CELF1: variants seen among roughly 807,000 people sequenced by gnomAD.
CELF1 encodes CUGBP Elav-like family member 1.
In CELF1, 10 loss-of-function variants were observed where a neutral mutation model predicts 61.8. The ratio of observed to expected loss-of-function variants is 0.16; its 90% CI spans 0.10 to 0.27. The LOEUF (loss-of-function observed/expected upper bound fraction) is 0.27, where lower values mean the gene tolerates loss of function less well. CELF1 is among the 10% of genes least tolerant of loss of function. CELF1 has a pLI of 1.00. For synonymous variants in CELF1, 236 were observed against 225.1 expected, an observed-to-expected ratio of 1.05 and a Z score of -0.43; for missense variants, 380 against 639.1, an observed-to-expected ratio of 0.59 and a Z score of 4.37.
intron 14 of CELF1, among the ~76,000 whole-genome samples, chr11:47,472,573 G>C (rs1462973331): frequency 6.6e-6 from 1 of 151,936 alleles, no homozygotes; most frequent in African/African-American, 2.4e-5. Flanking sequence ...TCTTTTTCTT[G>C]AGACAGGGTC....
At chr11:47,542,739 C>T (rs1379200558) in intron 1 of CELF1, among the ~76,000 whole-genome samples, 1 of 150,866 alleles carries the variant, frequency 6.6e-6, no homozygotes, top group African/African-American at 2.5e-5. Context: ...CTCACGTGAT[C>T]CGCGTGTCTT....
At chr11:47,486,017 C>T (rs1412927150) in intron 6 of CELF1, among the ~76,000 whole-genome samples, 3 of 141,116 alleles carry the variant, frequency 2.1e-5, no homozygotes, top group African/African-American at 7.8e-5. Context: ...AAAAATTAGC[C>T]GGGCGTGGTG....
intron 13 of CELF1, 31 bp from the exon 14 acceptor site, chr11:47,473,262 C>T: frequency 6.2e-7 from 1 of 1,600,666 alleles, no homozygotes; most frequent in Non-Finnish European, 8.5e-7. Context: ...GGAAAAGTAT[C>T]AGTGTCAAAC....
intron 1 of CELF1, among the ~76,000 whole-genome samples, chr11:47,538,777 G>GA (rs1216303521): frequency 2.0e-5 from 3 of 151,740 alleles, no homozygotes; most frequent in Non-Finnish European, 4.4e-5. Context: ...AATATCACAG[G>GA]AAAAAAACAA....
intron 1 of CELF1, among the ~76,000 whole-genome samples, chr11:47,543,355 G>A (rs1412016221): frequency 6.6e-6 from 1 of 151,970 alleles, no homozygotes; most frequent in Non-Finnish European, 1.5e-5. Context: ...AGTGAGCCAC[G>A]ATAACGCCAC....
chr11:47,472,609 C>T (rs2078130352), intron 14 of CELF1, among the ~76,000 whole-genome samples: 1 of 152,114 alleles, frequency 6.6e-6, no homozygotes. Context: ...GGGTGGAGTA[C>T]AGTGGTGTGA....
At chr11:47,527,232 A>T (rs761754612) in intron 1 of CELF1, among the ~76,000 whole-genome samples, 41 of 151,982 alleles carry the variant, frequency 2.7e-4, no homozygotes, top group Non-Finnish European at 5.3e-4. Context: ...CTACAGAAAG[A>T]AGTAAAAAAT....
chr11:47,553,797 GA>G (rs1210075332), upstream of CELF1, among the ~76,000 whole-genome samples: 1 of 140,446 alleles, frequency 7.1e-6, no homozygotes, highest in African/African-American at 2.5e-5. Flanking sequence ...TGCTTTTACC[GA>G]AAAAAAAATA....
chr11:47,478,365 T>G (rs529968595), intron 10 of CELF1, among the ~76,000 whole-genome samples: 1 of 152,346 alleles, frequency 6.6e-6, no homozygotes, highest in Non-Finnish European at 1.5e-5. Flanking sequence ...CTCAGGTTTG[T>G]TGTGGCACTC....
At chr11:47,507,308 G>A (rs2094584869) in intron 1 of CELF1, among the ~76,000 whole-genome samples, 1 of 152,102 alleles carries the variant, frequency 6.6e-6, no homozygotes, top group Admixed American at 6.5e-5. Context: ...AGCAATTAAG[G>A]ATCGTGTTAT....
intron 1 of CELF1, among the ~76,000 whole-genome samples, chr11:47,533,411 C>T (rs1225751933): frequency 6.6e-6 from 1 of 152,088 alleles, no homozygotes; most frequent in African/African-American, 2.4e-5. Flanking sequence ...TGCCTGAGCT[C>T]AGGAGTTCAC....
rs184463113 is a variant in CELF1, at chr11:47,484,258, T to A, written c.526+131A>T. 3.0e-5 allele frequency: 27 copies of A among 907,176 alleles called. No individual in the cohort carries two copies. The East Asian group carries it at 7.1e-4, about 24-fold the overall frequency. The allele number at this position is 907,176 out of a possible 1,614,324, so 56.2% of individuals were successfully genotyped here. ...TGATCCTGGGAGGTTCAGGCTGCAG[T>A]GAGTTGTGAAGGCACCACTGCACTC... On this transcript the variant is annotated intron_variant, in intron 7 of 14. Transcript: ENST00000687097.
intron 1 of CELF1, among the ~76,000 whole-genome samples, chr11:47,531,366 G>GTT (rs1258660890): frequency 1.2e-4 from 18 of 152,124 alleles, no homozygotes; most frequent in Non-Finnish European, 2.5e-4. Context: ...TTACAAGATA[G>GTT]AGACCATCCT....
At chr11:47,533,884 T>C (rs1336652520) in intron 1 of CELF1, among the ~76,000 whole-genome samples, 7 of 151,602 alleles carry the variant, frequency 4.6e-5, no homozygotes, top group African/African-American at 9.7e-5. Flanking sequence ...GTTAAATATA[T>C]TCAACTCTTA....
chr11:47,509,580 A>G (rs2094885741), intron 1 of CELF1, among the ~76,000 whole-genome samples: 1 of 152,090 alleles, frequency 6.6e-6, no homozygotes, highest in Non-Finnish European at 1.5e-5. Context: ...ATAAGGCTAA[A>G]GGGAAAAAGG....
rs568953397 is a variant in CELF1, at chr11:47,499,545, A to G, written c.-22T>C. ...CCATCACCTCACTCTCCCCTTCAGA[A>G]GCCAATGATATTAACTTGCTGCACT... On this transcript the variant is annotated 5_prime_UTR_variant, in exon 3 of 15. Coordinates refer to ENST00000687097, the MANE Select transcript of CELF1 (RefSeq NM_001376376.1). The G allele has an allele frequency of 2.6e-6, 4 of 1,524,440 alleles. No individual in the cohort carries two copies. In the South Asian group the frequency reaches 4.8e-5, roughly 18 times the overall value. 94.4% of individuals were successfully genotyped at this position (1,524,440 alleles called of 1,614,324 possible). A position where few individuals can be genotyped will look rare whatever the true frequency, so the allele number is the denominator to read the frequency against.
Position 47,475,124 on chromosome 11 carries a change from G to GCA in CELF1, c.1273+210_1273+211dup, listed in dbSNP as rs571852625. 2.8e-3 allele frequency among the ~76,000 whole-genome samples: 432 copies of GCA among 152,282 alleles called. 3 individuals are homozygous for GCA. Among genetic ancestry groups the GCA allele is most frequent in the Middle Eastern group, 3.4e-3 (1 of 294 alleles). On this transcript the variant is annotated intron_variant, in intron 13 of 14. Coordinates refer to ENST00000687097, the MANE Select transcript of CELF1 (RefSeq NM_001376376.1). ...AAAACTGCAGCCCCATCCCAAGAGG[G>GCA]CACACAGAGGTTCTGATTTGAGCCA... is the stretch of plus-strand genomic sequence containing the variant.
chr11:47,543,854 T>C (rs1309934120), intron 1 of CELF1, among the ~76,000 whole-genome samples: 1 of 152,218 alleles, frequency 6.6e-6, no homozygotes, highest in Non-Finnish European at 1.5e-5. Flanking sequence ...GTCTTAAATC[T>C]GCATTACAAC....
At chr11:47,501,976 C>A (rs1202916828) in intron 1 of CELF1, among the ~76,000 whole-genome samples, 1 of 152,126 alleles carries the variant, frequency 6.6e-6, no homozygotes, top group African/African-American at 2.4e-5. Flanking sequence ...CAAAAGACTA[C>A]TTAAATGGAG....
Sources: gnomAD v4.1 joint callset for allele counts (sites outside exome capture counted in the v4.1 genomes callset) on GRCh38, gnomAD v4.1.1 for gene constraint, MANE v1.5 for transcripts, NCBI Gene and HGNC (gene_info 2026-07-23, HGNC 2026-07-21) for gene names.